Variants in CDH4 observed in about 807,000 individuals in gnomAD.
The protein encoded by CDH4 is cadherin 4, also known as cadherin-4.
Under a neutral mutation model 86.0 loss-of-function variants are expected in CDH4, and 33 were observed. That is an observed-to-expected ratio of 0.38 (90% CI 0.29 to 0.51). The LOEUF (loss-of-function observed/expected upper bound fraction) is 0.51. CDH4 is among the 20% of genes least tolerant of loss of function. CDH4 has a pLI of 0.86. For synonymous variants in CDH4, 555 were observed against 549.4 expected (o/e 1.01, Z -0.14); for missense variants, 1,114 against 1,307.4 (o/e 0.85, Z 2.28).
At chr20:61,383,620 A>ATATGAT (rs1568823126) in intron 2 of CDH4, among the ~76,000 whole-genome samples, 1 of 44 alleles carries the variant, frequency 0.023, no homozygotes, top group African/African-American at 0.083. Flanking sequence ...ATATGAATAT[A>ATATGAT]TGATATATAT....
chr20:61,436,977 C>A (rs1014202357), intron 2 of CDH4: 1 of 152,360 alleles, frequency 6.6e-6, no homozygotes, highest in Non-Finnish European at 1.5e-5. Context: ...CAAGGCCTGG[C>A]CTGTTTTGCC....
At position 61,773,868 on chromosome 20, in the gene CDH4, C is replaced by G. The variant is rs77864902; in HGVS notation, c.576+686C>G. Reference sequence around the variant, plus strand: ...CAGAGTGTGCTTAAGGGGTCATTCTCATTCTTTGTGCTGTTTAGTGTGTTT... The same window carrying G: ...CAGAGTGTGCTTAAGGGGTCATTCTGATTCTTTGTGCTGTTTAGTGTGTTT... On this transcript the variant is annotated intron_variant, in intron 4 of 15. Coordinates refer to ENST00000614565, the MANE Select transcript of CDH4 (RefSeq NM_001794.5). 4.9e-3 allele frequency among the ~76,000 whole-genome samples: 746 copies of G among 152,254 alleles called. 6 individuals are homozygous for G. Among genetic ancestry groups the G allele is most frequent in the African/African-American group, 0.017 (710 of 41,560 alleles).
At chr20:61,882,684 T>C (rs1299142284) in intron 7 of CDH4, among the ~76,000 whole-genome samples, 1 of 152,116 alleles carries the variant, frequency 6.6e-6, no homozygotes, top group East Asian at 1.9e-4. Flanking sequence ...AAATACTTCC[T>C]CTAGGTCTAT....
intron 2 of CDH4, among the ~76,000 whole-genome samples, chr20:61,329,457 G>GACGCGGGTCGAGGTGGCTTTAAGCCC (rs1206100432): frequency 1.3e-5 from 2 of 152,236 alleles, no homozygotes; most frequent in Non-Finnish European, 2.9e-5. Context: ...GTGGGTCTGG[G>GACGCGGGTCGAGGTGGCTTTAAGCCC]ATGTGGGTTG....
intron 2 of CDH4, among the ~76,000 whole-genome samples, chr20:61,540,502 A>C (rs2086032146): frequency 6.6e-6 from 1 of 151,938 alleles, no homozygotes; most frequent in Non-Finnish European, 1.5e-5. Context: ...CTGTCACATA[A>C]CTTCAGGGGC....
chr20:61,729,875 AAG>A (rs1370229017), intron 2 of CDH4, among the ~76,000 whole-genome samples: 1 of 152,230 alleles, frequency 6.6e-6, no homozygotes, highest in African/African-American at 2.4e-5. Context: ...ATGAGACGGC[AAG>A]AGAGAGGTTT....
intron 2 of CDH4, among the ~76,000 whole-genome samples, chr20:61,734,372 G>A (rs999905198): frequency 1.6e-4 from 25 of 152,206 alleles, no homozygotes; most frequent in Admixed American, 7.2e-4. Flanking sequence ...TCCCAGGCTC[G>A]GAACGGGGAG....
intron 2 of CDH4, among the ~76,000 whole-genome samples, chr20:61,666,645 A>G (rs1405190220): frequency 6.6e-6 from 1 of 152,206 alleles, no homozygotes; most frequent in Non-Finnish European, 1.5e-5. Context: ...CAGCCCAGGC[A>G]GGACTAGGGA....
chr20:61,743,395 G>A (rs1231114460), intron 2 of CDH4, among the ~76,000 whole-genome samples, 168 bp from the exon 3 acceptor site: 2 of 152,148 alleles, frequency 1.3e-5, no homozygotes, highest in African/African-American at 2.4e-5. Context: ...AATTCTCTAG[G>A]GGGTTGAGAT....
chr20:61,516,784 T>C lies in CDH4; in HGVS notation c.170-226779T>C, dbSNP rs574049549. ...CCGTTCCCAGGTCAGTGAGTGTCGG[T>C]TTGGCGATCACACTTGCTTTCTTCT... On this transcript the variant is annotated intron_variant, in intron 2 of 15. Coordinates refer to ENST00000614565, the MANE Select transcript of CDH4 (RefSeq NM_001794.5). This position sits in a 1 kb window ranked among gnomAD's most constrained non-coding sequence, Gnocchi z 4.0. 1.7e-3 allele frequency among the ~76,000 whole-genome samples: 256 copies of C among 152,244 alleles called. 1 individual carries two copies. In the Middle Eastern group the frequency reaches 0.017, roughly 10 times the overall value.
chr20:61,294,020 G>A (rs2084338015), intron 2 of CDH4, among the ~76,000 whole-genome samples: 1 of 152,156 alleles, frequency 6.6e-6, no homozygotes, highest in Non-Finnish European at 1.5e-5. Flanking sequence ...GGAGACCCCG[G>A]GACAGGTGAA....
chr20:61,404,204 C>T (rs1009665912), intron 2 of CDH4, among the ~76,000 whole-genome samples: 1 of 152,008 alleles, frequency 6.6e-6, no homozygotes, highest in Non-Finnish European at 1.5e-5. Flanking sequence ...TGTCCCAGGG[C>T]ACATTTCTTC....
At position 61,567,874 on chromosome 20, in the gene CDH4, G is replaced by A. The variant is rs2086312150; in HGVS notation, c.170-175689G>A. Among the ~76,000 whole-genome samples the A allele has an allele frequency of 2.6e-5, 4 of 152,266 alleles. No homozygotes were observed. In the South Asian group the frequency reaches 8.3e-4, roughly 32 times the overall value. ...TGTGGTCTCAGCTGCTTGGGAGCCT[G>A]AGGAAGGAGGATCCCTTGAGCCCAG... On this transcript the variant is annotated intron_variant, in intron 2 of 15. Coordinates refer to ENST00000614565, the MANE Select transcript of CDH4 (RefSeq NM_001794.5).
At chr20:61,337,518 A>G (rs2084626224) in intron 2 of CDH4, among the ~76,000 whole-genome samples, 1 of 151,840 alleles carries the variant, frequency 6.6e-6, no homozygotes, top group African/African-American at 2.4e-5. Context: ...TGATGATGAA[A>G]GGGAAGATGA....
chr20:61,546,053 GTC>G (rs1457389084), intron 2 of CDH4, among the ~76,000 whole-genome samples: 1 of 1,046 alleles, frequency 9.6e-4, no homozygotes. Flanking sequence ...GTGGAGGGCT[GTC>G]TGTGCATGTG....
chr20:61,409,024 C>T (rs1568833730), intron 2 of CDH4, among the ~76,000 whole-genome samples: 1 of 152,218 alleles, frequency 6.6e-6, no homozygotes, highest in East Asian at 1.9e-4. Flanking sequence ...GTTTAGAAAA[C>T]TGCTGGGCAG....
At chr20:61,772,895 C>A in intron 3 of CDH4, 108 bp from the exon 4 acceptor site, 2 of 920,886 alleles carry the variant, frequency 2.2e-6, no homozygotes, top group South Asian at 2.5e-5. Context: ...CGTTACCCGC[C>A]TTCCCTCTCA....
intron 4 of CDH4, among the ~76,000 whole-genome samples, chr20:61,783,504 T>G: frequency 6.8e-6 from 1 of 147,832 alleles, no homozygotes; most frequent in South Asian, 2.2e-4. Context: ...CCGAAAGAAA[T>G]GTAATCCCAG....
At chr20:61,558,226 T>C (rs1392890364) in intron 2 of CDH4, among the ~76,000 whole-genome samples, 2 of 152,192 alleles carry the variant, frequency 1.3e-5, no homozygotes, top group Admixed American at 1.3e-4. Context: ...TTCTTATCTA[T>C]GTTCAAGATA....
Sources: allele counts gnomAD v4.1 joint callset (sites outside exome capture counted in the v4.1 genomes callset), GRCh38; gene constraint gnomAD v4.1.1; non-coding constraint Gnocchi (gnomAD v3.1); transcripts MANE v1.5; gene names NCBI Gene and HGNC (gene_info 2026-07-23, HGNC 2026-07-21).